The following CFAP77 variants were observed in gnomAD, a reference collection of about 807,000 sequenced individuals.
CFAP77 encodes cilia- and flagella-associated protein 77.
Under a neutral mutation model 31.1 loss-of-function variants are expected in CFAP77, and 25 were observed. The ratio of observed to expected loss-of-function variants is 0.80; its 90% CI spans 0.59 to 1.12. CFAP77 has a LOEUF of 1.12. CFAP77 is among the 50% of genes most tolerant of loss of function. The pLI is 0.00. For synonymous variants in CFAP77, 151 were observed against 159.9 expected (o/e 0.94, Z 0.42); for missense variants, 377 against 397.3 (o/e 0.95, Z 0.44).
chr9:132,548,782 T>A (rs544463575), intron 5 of CFAP77, among the ~76,000 whole-genome samples: 1 of 135,262 alleles, frequency 7.4e-6, no homozygotes, highest in African/African-American at 2.7e-5. Context: ...CAACATTACA[T>A]AGTCGTTCAG....
chr9:132,523,092 T>TC (rs1852298441), intron 3 of CFAP77, among the ~76,000 whole-genome samples: 1 of 87,232 alleles, frequency 1.1e-5, no homozygotes, highest in Non-Finnish European at 2.6e-5. Context: ...TTCTTTCTTT[T>TC]TTTTTTTTTT....
intron 3 of CFAP77, among the ~76,000 whole-genome samples, chr9:132,509,664 G>T (rs1851997901): frequency 6.6e-6 from 1 of 152,174 alleles, no homozygotes; most frequent in East Asian, 1.9e-4. Context: ...AGCTACTCGG[G>T]AGGCTGAGGC....
In CFAP77 at chr9:132,537,707, G is replaced by T. The variant is rs1290268015; in HGVS notation, c.630+1G>T. ...CATCAAACTGGAGAAGAAGCAGAAG[G>T]TAAATGCAGCCCTCGCTCCCAAGTT... On this transcript the variant is annotated splice_donor_variant, in intron 4 of 5. Coordinates refer to ENST00000393216, the MANE Select transcript of CFAP77 (RefSeq NM_001282957.2). LOFTEE classifies it high-confidence loss of function. 2 of 1,611,368 alleles carry T rather than the reference G, an allele frequency of 1.2e-6. No individual in the cohort carries two copies. The highest frequency in any genetic ancestry group is 3.3e-5 in the Admixed American group (2 of 59,878).
At chr9:132,494,672 C>T (rs867427193) in intron 1 of CFAP77, among the ~76,000 whole-genome samples, 8 of 152,166 alleles carry the variant, frequency 5.3e-5, no homozygotes, top group African/African-American at 1.2e-4. Context: ...GCACTATCCA[C>T]GGTGGTTGTA....
chr9:132,419,438 G>A (rs1850169756), intron 1 of CFAP77, among the ~76,000 whole-genome samples: 1 of 152,206 alleles, frequency 6.6e-6, no homozygotes, highest in Non-Finnish European at 1.5e-5. Flanking sequence ...AAGCTCGGAT[G>A]CCACAGCCTC....
intron 1 of CFAP77, among the ~76,000 whole-genome samples, chr9:132,453,299 T>C (rs1386502333): frequency 6.6e-6 from 1 of 151,980 alleles, no homozygotes; most frequent in East Asian, 1.9e-4. Flanking sequence ...CTGAGGCAGG[T>C]GGATTGCCTG....
In CFAP77 at chr9:132,410,373, G is replaced by A. The variant is rs138925133; in HGVS notation, c.102G>A (p.Arg34=). Residue 34 remains arginine (R), a synonymous_variant, in exon 1 of 6, where the codon CGG becomes CGA. Coordinates refer to ENST00000393216, the MANE Select transcript of CFAP77 (RefSeq NM_001282957.2). ...TVSQVCPPPR[R]PLTVADIRSG... is the part of the protein sequence containing the mutation. ...GCCAGGTCTGCCCGCCCCCGCGGCG[G>A]CCCCTGACCGTGGCGGACATCCGTT... 2.2e-4 allele frequency: 356 copies of A among 1,599,236 alleles called. No individual in the cohort carries two copies. The highest frequency in any genetic ancestry group is 2.0e-3 in the Middle Eastern group (12 of 6,030).
chr9:132,451,986 A>G (rs1405858717), intron 1 of CFAP77, among the ~76,000 whole-genome samples: 3 of 151,778 alleles, frequency 2.0e-5, no homozygotes, highest in Non-Finnish European at 4.4e-5. Flanking sequence ...TTATATTTTT[A>G]GTAGAGACGG....
Position 132,412,331 on chromosome 9 carries a change from C to T in CFAP77, c.195+1865C>T, listed in dbSNP as rs542442941. On this transcript the variant is annotated intron_variant, in intron 1 of 5. Transcript: ENST00000393216. Reference sequence around the variant, plus strand: ...GGTTCTCTTCTTCCACCAGGGACAGCCAGGGGGCAGCCTTTACCTCTGGCT... The same window carrying T: ...GGTTCTCTTCTTCCACCAGGGACAGTCAGGGGGCAGCCTTTACCTCTGGCT... Among the ~76,000 whole-genome samples the T allele has an allele frequency of 1.8e-4, 28 of 152,356 alleles. 1 individual carries two copies. The South Asian group carries it at 5.6e-3, about 30-fold the overall frequency.
chr9:132,506,267 G>C (rs905135961), intron 3 of CFAP77, among the ~76,000 whole-genome samples: 1 of 152,214 alleles, frequency 6.6e-6, no homozygotes, highest in Admixed American at 6.5e-5. Flanking sequence ...CTCAAAGCAT[G>C]CTGCCACCCA....
intron 3 of CFAP77, among the ~76,000 whole-genome samples, chr9:132,508,831 G>T (rs923478502): frequency 3.3e-5 from 5 of 152,182 alleles, no homozygotes; most frequent in Admixed American, 6.5e-5. Flanking sequence ...TGGGGAAACT[G>T]AGGCTCAGAG....
intron 5 of CFAP77, among the ~76,000 whole-genome samples, chr9:132,549,192 C>T (rs907067385): frequency 1.3e-5 from 2 of 152,186 alleles, no homozygotes; most frequent in Admixed American, 6.5e-5. Context: ...TCCACCCTGC[C>T]GCCTCTGCCT....
chr9:132,447,274 C>T (rs1850741716), intron 1 of CFAP77, among the ~76,000 whole-genome samples: 1 of 152,220 alleles, frequency 6.6e-6, no homozygotes, highest in African/African-American at 2.4e-5. Context: ...AAGTGCTGGG[C>T]TTCCATCTGT....
intron 1 of CFAP77, among the ~76,000 whole-genome samples, chr9:132,491,622 T>G (rs182015284): frequency 1.3e-5 from 2 of 152,346 alleles, no homozygotes; most frequent in African/African-American, 4.8e-5. Context: ...TTGCAAACAT[T>G]TATTCCTTGA....
Position 132,511,632 on chromosome 9 carries a change from C to T in CFAP77, c.524+12032C>T, listed in dbSNP as rs1461622885. ...ATTCTAGTGCCAAGAGCACATGAGA[C>T]GGCCAACTCTTTCCCGGGCACGACT... On this transcript the variant is annotated intron_variant, in intron 3 of 5. Coordinates refer to ENST00000393216, the MANE Select transcript of CFAP77 (RefSeq NM_001282957.2). The surrounding 1 kb of genome is among the most constrained non-coding windows in gnomAD (Gnocchi z 5.8). 5.9e-5 allele frequency among the ~76,000 whole-genome samples: 9 copies of T among 152,212 alleles called. No individual in the cohort carries two copies. The highest frequency in any genetic ancestry group is 1.9e-4 in the East Asian group (1 of 5,196).
chr9:132,498,622 C>A lies in CFAP77; in HGVS notation c.196-73C>A. The A allele has an allele frequency of 8.3e-7, 1 of 1,202,612 alleles. No individual in the cohort carries two copies. The highest frequency in any genetic ancestry group is 1.2e-6 in the Non-Finnish European group (1 of 832,978). The allele number at this position is 1,202,612 out of a possible 1,614,324, so 74.5% of individuals were successfully genotyped here. ...GGAAATGCAGGCATCTGGTGCCTCCCTGCTGCCGGATTACAATACATTTGG... is the reference window on the plus strand; with the variant it reads ...GGAAATGCAGGCATCTGGTGCCTCCATGCTGCCGGATTACAATACATTTGG... On this transcript the variant is annotated intron_variant, in intron 1 of 5. Transcript: ENST00000393216. This position sits in a 1 kb window ranked among gnomAD's most constrained non-coding sequence, Gnocchi z 4.2.
At position 132,490,349 on chromosome 9, in the gene CFAP77, C is replaced by T. The variant is rs1163963417; in HGVS notation, c.196-8346C>T. 6.6e-6 allele frequency among the ~76,000 whole-genome samples: 1 copy of T among 152,162 alleles called. No individual in the cohort carries two copies. Among genetic ancestry groups the T allele is most frequent in the African/African-American group, 2.4e-5 (1 of 41,432 alleles). On this transcript the variant is annotated intron_variant, in intron 1 of 5. Coordinates refer to ENST00000393216, the MANE Select transcript of CFAP77 (RefSeq NM_001282957.2). This position sits in a 1 kb window ranked among gnomAD's most constrained non-coding sequence, Gnocchi z 4.6. ...GGTGACCGTCAAGCCTCAGGTGGCC[C>T]CTGTGTTTTGATGGCAGCTGAACTC...
At chr9:132,449,945 C>CTT (rs1412545417) in intron 1 of CFAP77, among the ~76,000 whole-genome samples, 2 of 152,068 alleles carry the variant, frequency 1.3e-5, no homozygotes, top group African/African-American at 4.8e-5. Flanking sequence ...TGGAGTCTCG[C>CTT]TCTGTCGCCC....
At chr9:132,548,515 G>A (rs983426092) in intron 5 of CFAP77, among the ~76,000 whole-genome samples, 4 of 152,166 alleles carry the variant, frequency 2.6e-5, no homozygotes, top group Non-Finnish European at 4.4e-5. Flanking sequence ...GGCCAAGTCC[G>A]GTTTTGCATA....
Sources: allele counts gnomAD v4.1 joint callset (sites outside exome capture counted in the v4.1 genomes callset), GRCh38; gene constraint gnomAD v4.1.1; non-coding constraint Gnocchi (gnomAD v3.1); transcripts MANE v1.5; gene names NCBI Gene and HGNC (gene_info 2026-07-23, HGNC 2026-07-21).